LAMA5: variants seen among roughly 807,000 people sequenced by gnomAD.
LAMA5 encodes laminin subunit alpha 5.
In LAMA5, 260 loss-of-function variants were observed where a neutral mutation model predicts 433.4. The observed-to-expected ratio is 0.60, with a 90% CI of 0.54 to 0.66. The LOEUF (loss-of-function observed/expected upper bound fraction) is 0.66. LAMA5 is among the 30% of genes least tolerant of loss of function. LAMA5 has a pLI of 0.00. For synonymous variants in LAMA5, 2,620 were observed against 2,226.6 expected (o/e 1.18, Z -4.97); for missense variants, 5,378 against 5,258.5 (o/e 1.02, Z -0.70).
chr20:62,317,346 T>A lies in LAMA5; in HGVS notation c.7510A>T (p.Ser2504Cys), dbSNP rs775476021. 1.9e-6 allele frequency: 3 copies of A among 1,606,310 alleles called. No homozygotes were observed. The Admixed American group carries it at 5.0e-5, about 27-fold the overall frequency. ...QLGQLALNLS[S>C]IILDVNQDRL... ...GCCCCTCCTCTCCTGGCCACCCACC[T>A]GGACAGATTGAGTGCCAGCTGGCCC... The change falls in exon 55 of 80, where the codon AGC becomes TGC. Residue 2504 changes from serine (S) to cysteine (C), a missense_variant and splice_region_variant. Transcript: ENST00000252999.
In LAMA5 at chr20:62,312,251, C is replaced by G; in HGVS notation, c.9426G>C (p.Pro3142=). Residue 3142 remains proline, a synonymous_variant, in exon 69 of 80, where the codon CCG becomes CCC. Coordinates refer to ENST00000252999, the MANE Select transcript of LAMA5 (RefSeq NM_005560.6). ...AGCCGGAGTAGACGTTGCCAGTGAG[C>G]GGTGCCACGTTCGAGAGCGCCAGGC... The part of the protein sequence containing the change: ...FLRLALSNVA[P]LTGNVYSGFG... 1 of 1,610,852 alleles carries G rather than the reference C, an allele frequency of 6.2e-7. No homozygotes were observed. Among genetic ancestry groups the G allele is most frequent in the Non-Finnish European group, 8.5e-7 (1 of 1,179,238 alleles).
At chr20:62,347,146 G>A (rs1296116091) in intron 6 of LAMA5, 118 bp from the exon 7 acceptor site, 22 of 708,688 alleles carry the variant, frequency 3.1e-5, no homozygotes, top group East Asian at 8.2e-5. Context: ...ACATGGACAC[G>A]GCCCCCCGCT....
At chr20:62,361,833 C>G (rs769416808) in intron 2 of LAMA5, among the ~76,000 whole-genome samples, 1 of 152,246 alleles carries the variant, frequency 6.6e-6, no homozygotes, top group Non-Finnish European at 1.5e-5. Flanking sequence ...GGGTTTCACT[C>G]TTCGCTTGGA....
At position 62,312,275 on chromosome 20, in the gene LAMA5, G is replaced by A; in HGVS notation, c.9402C>T (p.Arg3134=). Residue 3134 remains arginine, a synonymous_variant, in exon 69 of 80, where the codon CGC becomes CGT. Transcript: ENST00000252999. ...AMTFHGHGFL[R]LALSNVAPLT... ...GCGGTGCCACGTTCGAGAGCGCCAG[G>A]CGAAGGAAGCCGTGGCCATGGAAAG... The A allele has an allele frequency of 6.2e-7, 1 of 1,611,360 alleles. No homozygotes were observed. Among genetic ancestry groups the A allele is most frequent in the Non-Finnish European group, 8.5e-7 (1 of 1,179,532 alleles).
At chr20:62,363,164 C>T (rs1329977426) in intron 1 of LAMA5, among the ~76,000 whole-genome samples, 6 of 152,176 alleles carry the variant, frequency 3.9e-5, no homozygotes, top group Non-Finnish European at 8.8e-5. Flanking sequence ...ATCTTGCCCA[C>T]AGCCTTCTGG....
chr20:62,317,256 T>C lies in LAMA5; in HGVS notation c.7511+89A>G. 5.1e-6 allele frequency: 7 copies of C among 1,379,882 alleles called. No homozygotes were observed. The East Asian group carries it at 7.7e-5, about 15-fold the overall frequency. 85.5% of individuals were successfully genotyped at this position (1,379,882 alleles called of 1,614,324 possible). Reference sequence around the variant, plus strand: ...CTTTGAGGACAACGGCCTCAGCCCCTAGGAGCCTTCCCAGACCAGCTGGCC... The same window carrying C: ...CTTTGAGGACAACGGCCTCAGCCCCCAGGAGCCTTCCCAGACCAGCTGGCC... On this transcript the variant is annotated intron_variant, in intron 55 of 79. Coordinates refer to ENST00000252999, the MANE Select transcript of LAMA5 (RefSeq NM_005560.6).
chr20:62,355,637 C>T (rs979643520), intron 2 of LAMA5, among the ~76,000 whole-genome samples: 16 of 152,120 alleles, frequency 1.1e-4, no homozygotes, highest in African/African-American at 3.1e-4. Flanking sequence ...CTGAGGTCAT[C>T]GTCTACCTCC....
Position 62,326,680 on chromosome 20 carries a change from C to T in LAMA5, c.5295G>A (p.Val1765=), listed in dbSNP as rs1411309435. 3.1e-6 allele frequency: 5 copies of T among 1,611,848 alleles called. No homozygotes were observed. The Admixed American group carries it at 8.3e-5, about 27-fold the overall frequency. The change falls in exon 40 of 80, where the codon GTG becomes GTA. Residue 1765 remains valine (V), a synonymous_variant. Transcript: ENST00000252999. The part of the protein sequence containing the change: ...GHVHRGQLQL[V]EGNFRHTETR... ...TGCCCAAGCCAGCTCCCCTCACCTC[C>T]ACCAGCTGCAGCTGCCCACGGTGAA...
chr20:62,359,729 G>A lies in LAMA5; in HGVS notation c.450+2671C>T, dbSNP rs1985753073. ...ACCCCTCCACGGCTGGGCGCAGCGG[G>A]ACCCAGGCCAGGAGCCCAGCTGGCA... On this transcript the variant is annotated intron_variant, in intron 2 of 79. Coordinates refer to ENST00000252999, the MANE Select transcript of LAMA5 (RefSeq NM_005560.6). This position sits in a 1 kb window ranked among gnomAD's most constrained non-coding sequence, Gnocchi z 4.3. 6.6e-6 allele frequency among the ~76,000 whole-genome samples: 1 copy of A among 151,970 alleles called. No individual in the cohort carries two copies. The highest frequency in any genetic ancestry group is 2.1e-4 in the South Asian group (1 of 4,806).
intron 40 of LAMA5, 178 bp downstream of exon 40, chr20:62,326,499 C>A: frequency 3.4e-6 from 2 of 583,092 alleles, no homozygotes; most frequent in Admixed American, 3.1e-5. Flanking sequence ...CCCAGGGTGA[C>A]CAGCACAGAA....
In LAMA5 at chr20:62,330,800, A is replaced by T; in HGVS notation, c.3795T>A (p.Pro1265=). Reference sequence around the variant, plus strand: ...CAGGGTCCACAGCGGTGGGGGGCCGAGGTCGGGGTCCAGCTGGGGACATGG... The same window carrying T: ...CAGGGTCCACAGCGGTGGGGGGCCGTGGTCGGGGTCCAGCTGGGGACATGG... ...TPAMSPAGPR[P]RPPTAVDPDA... Residue 1265 remains proline, a synonymous_variant, in exon 30 of 80, where the codon CCT becomes CCA. Transcript: ENST00000252999. The T allele has an allele frequency of 6.4e-7, 1 of 1,559,000 alleles. No individual in the cohort carries two copies. Among genetic ancestry groups the T allele is most frequent in the Non-Finnish European group, 8.7e-7 (1 of 1,152,942 alleles).
chr20:62,353,255 T>TGGGCCGAGAGGGCGTCA lies in LAMA5; in HGVS notation c.451-21_451-5dup. ...GGACGTAGGCCACGTGGAAGACCTGTGGGCCGAGAGGGCGTCAGGGGAGCC... is the reference window on the plus strand; with the variant it reads ...GGACGTAGGCCACGTGGAAGACCTGTGGGCCGAGAGGGCGTCAGGGCCGAGAGGGCGTCAGGGGAGCC... On this transcript the variant is annotated splice_region_variant and splice_polypyrimidine_tract_variant and intron_variant, in intron 2 of 79. Transcript: ENST00000252999. 6.3e-7 allele frequency: 1 copy of TGGGCCGAGAGGGCGTCA among 1,589,608 alleles called. No individual in the cohort carries two copies. Among genetic ancestry groups the TGGGCCGAGAGGGCGTCA allele is most frequent in the Non-Finnish European group, 8.6e-7 (1 of 1,167,436 alleles).
At chr20:62,341,826 C>CAAAAAAAAAAAAAAAAAAAAAAAAAAAA (rs11466846) in intron 11 of LAMA5, among the ~76,000 whole-genome samples, 1 of 128,154 alleles carries the variant, frequency 7.8e-6, no homozygotes, top group African/African-American at 3.8e-5. Context: ...TCTGATCAAC[C>CAAAAAAAAAAAAAAAAAAAAAAAAAAAA]AAAAAAAAAA....
At chr20:62,313,524 G>A (rs747501899) in intron 63 of LAMA5, 64 bp from the exon 64 acceptor site, 33 of 1,558,768 alleles carry the variant, frequency 2.1e-5, no homozygotes, top group Non-Finnish European at 2.8e-5. Flanking sequence ...GATGGACCAA[G>A]GGGACTTCAG....
rs1355791068 is a variant in LAMA5, at chr20:62,359,961, C to T, written c.450+2439G>A. Among the ~76,000 whole-genome samples, 14 of 151,080 alleles carry T rather than the reference C, an allele frequency of 9.3e-5. No individual in the cohort carries two copies. Among genetic ancestry groups the T allele is most frequent in the South Asian group, 6.3e-4 (3 of 4,728 alleles). On this transcript the variant is annotated intron_variant, in intron 2 of 79. Coordinates refer to ENST00000252999, the MANE Select transcript of LAMA5 (RefSeq NM_005560.6). The surrounding 1 kb of genome is among the most constrained non-coding windows in gnomAD (Gnocchi z 4.3). ...GCCCCCACCCCCGTCCCAGGGCATC[C>T]GCTCCAGATCCCAGAACAAAGGCTG...
rs768386618 is a variant in LAMA5, at chr20:62,314,842, C to T, written c.8153G>A (p.Arg2718His). Residue 2718 changes from arginine (R) to histidine (H), a missense_variant, in exon 60 of 80, where the codon CGC (arginine) becomes CAC (histidine). Physicochemically the swap from Arg to His is conservative, Grantham distance 29. Coordinates refer to ENST00000252999, the MANE Select transcript of LAMA5 (RefSeq NM_005560.6). The part of the protein sequence containing the change: ...ASLALSASIG[R>H]VRELIAQARG... ...GGCCTGGGCAATGAGCTCTCGCACG[C>T]GGCCAATGCTGGCGGACAGGGCCAG... The T allele has an allele frequency of 1.2e-5, 19 of 1,612,674 alleles. No homozygotes were observed. The highest frequency in any genetic ancestry group is 2.2e-5 in the East Asian group (1 of 44,896).
intron 2 of LAMA5, among the ~76,000 whole-genome samples, chr20:62,354,136 CTG>C (rs1480478799): frequency 6.6e-6 from 1 of 152,100 alleles, no homozygotes; most frequent in Non-Finnish European, 1.5e-5. Flanking sequence ...GCCCATGTGT[CTG>C]TGCCTCGGGG....
intron 58 of LAMA5, 23 bp downstream of exon 58, chr20:62,315,925 A>G: frequency 6.5e-7 from 1 of 1,536,856 alleles, no homozygotes. Context: ...CGGCTGCGAG[A>G]GCCGGGCCCA....
chr20:62,339,009 C>T (rs1291459249), intron 11 of LAMA5, among the ~76,000 whole-genome samples: 1 of 149,954 alleles, frequency 6.7e-6, no homozygotes, highest in Non-Finnish European at 1.5e-5. Flanking sequence ...TGCACTCCAG[C>T]CTGGGCGACA....
Sources: gnomAD v4.1 joint callset for allele counts (sites outside exome capture counted in the v4.1 genomes callset) on GRCh38, gnomAD v4.1.1 for gene constraint, Gnocchi (gnomAD v3.1) non-coding constraint, MANE v1.5 for transcripts, NCBI Gene and HGNC (gene_info 2026-07-23, HGNC 2026-07-21) for gene names.